Variants in UNC5D observed in about 807,000 individuals in gnomAD.
UNC5D encodes the protein netrin receptor UNC5D.
Under a neutral mutation model 105.4 loss-of-function variants are expected in UNC5D, and 39 were observed. That is an observed-to-expected ratio of 0.37 (90% CI 0.29 to 0.48). The LOEUF is 0.48. Ranked by LOEUF, UNC5D falls within the 20% of genes least tolerant of loss-of-function variation. The pLI, the probability that UNC5D is intolerant of heterozygous loss-of-function variation, is 0.98. For missense variants in UNC5D, 991 were observed against 1,202.4 expected, an observed-to-expected ratio of 0.82 and a Z score of 2.60; for synonymous variants, 452 against 450.4, an observed-to-expected ratio of 1.00 and a Z score of -0.04.
intron 4 of UNC5D, among the ~76,000 whole-genome samples, chr8:35,664,282 C>G (rs1258848945): frequency 6.6e-6 from 1 of 152,130 alleles, no homozygotes; most frequent in East Asian, 1.9e-4. Context: ...GCTTTATTCT[C>G]AAATCAGAAA....
intron 1 of UNC5D, among the ~76,000 whole-genome samples, chr8:35,248,687 TAAAATATATA>T (rs1438985115): frequency 1.0e-5 from 1 of 95,634 alleles, no homozygotes; most frequent in African/African-American, 4.9e-5. Context: ...ATAATATATA[TAAAATATATA>T]AAAATATATA....
At chr8:35,711,453 TAC>T (rs1255991789) in intron 8 of UNC5D, among the ~76,000 whole-genome samples, 1 of 152,142 alleles carries the variant, frequency 6.6e-6, no homozygotes, top group Admixed American at 6.5e-5. Context: ...GTGCTGGGAT[TAC>T]AGACATGAGC....
chr8:35,449,201 A>G (rs1280279767), intron 1 of UNC5D, among the ~76,000 whole-genome samples: 1 of 152,158 alleles, frequency 6.6e-6, no homozygotes, highest in African/African-American at 2.4e-5. Flanking sequence ...ATTAGTTTGC[A>G]ATAGGGTGAA....
chr8:35,707,653 C>A (rs114004504), intron 8 of UNC5D, among the ~76,000 whole-genome samples: 621 of 152,228 alleles, frequency 4.1e-3, no homozygotes, highest in African/African-American at 0.013. Context: ...TCATAGGTAT[C>A]CATGGGGTGG....
At chr8:35,730,365 C>T (rs557323636) in intron 10 of UNC5D, among the ~76,000 whole-genome samples, 2 of 152,296 alleles carry the variant, frequency 1.3e-5, no homozygotes, top group East Asian at 3.9e-4. Context: ...CTGACATTGA[C>T]ATGACTCTAG....
intron 14 of UNC5D, among the ~76,000 whole-genome samples, chr8:35,760,235 GGTTTGCCAT>G (rs1801464825): frequency 6.6e-6 from 1 of 151,756 alleles, no homozygotes; most frequent in African/African-American, 2.4e-5. Flanking sequence ...GTAGAGACGG[GGTTTGCCAT>G]GTTGGCCAGA....
chr8:35,501,068 G>A (rs1157577850), intron 1 of UNC5D, among the ~76,000 whole-genome samples: 2 of 152,156 alleles, frequency 1.3e-5, no homozygotes, highest in Non-Finnish European at 2.9e-5. Flanking sequence ...CACAGCACTT[G>A]TTACATAGTA....
chr8:35,702,323 T>C (rs1309441021), intron 7 of UNC5D, among the ~76,000 whole-genome samples: 2 of 152,066 alleles, frequency 1.3e-5, no homozygotes, highest in African/African-American at 4.8e-5. Context: ...ATCCCAGATA[T>C]GTTGCCCGAA....
chr8:35,267,548 C>T (rs573524678), intron 1 of UNC5D, among the ~76,000 whole-genome samples: 3 of 152,200 alleles, frequency 2.0e-5, no homozygotes, highest in Admixed American at 6.5e-5. Flanking sequence ...AAGTGATTTT[C>T]CTGACTCAGG....
rs562636560 is a variant in UNC5D, at chr8:35,767,598, C to T, written c.2478+532C>T. The stretch of plus-strand genomic sequence containing the variant: ...ATTCTGTACATCCACATTTTCATTA[C>T]TCCCTTCCAATACAATAATATAAGG... On this transcript the variant is annotated intron_variant, in intron 15 of 16. Transcript: ENST00000404895. 2.6e-5 allele frequency among the ~76,000 whole-genome samples: 4 copies of T among 152,228 alleles called. No individual in the cohort carries two copies. The East Asian group carries it at 7.7e-4, about 29-fold the overall frequency.
intron 4 of UNC5D, among the ~76,000 whole-genome samples, chr8:35,641,409 ACATTTG>A (rs1822734195): frequency 6.6e-6 from 1 of 151,454 alleles, no homozygotes. Context: ...AGCATCTACA[ACATTTG>A]AGAACTCATA....
intron 14 of UNC5D, among the ~76,000 whole-genome samples, chr8:35,766,683 G>A (rs529039173): frequency 2.6e-5 from 4 of 152,284 alleles, no homozygotes; most frequent in African/African-American, 9.6e-5. Context: ...TTATCAGTTG[G>A]AATTGACATT....
intron 1 of UNC5D, among the ~76,000 whole-genome samples, chr8:35,263,733 T>G (rs958739262): frequency 3.3e-5 from 5 of 152,358 alleles, no homozygotes; most frequent in Middle Eastern, 6.8e-3. Flanking sequence ...ATAAATGACC[T>G]GACCTTAGGA....
At chr8:35,239,009 C>A (rs1199402692) in intron 1 of UNC5D, among the ~76,000 whole-genome samples, 1 of 152,104 alleles carries the variant, frequency 6.6e-6, no homozygotes, top group Admixed American at 6.5e-5. Context: ...GAGTCTTTTT[C>A]CCCTATTTCC....
intron 3 of UNC5D, among the ~76,000 whole-genome samples, chr8:35,587,175 C>T (rs1434774076): frequency 6.6e-6 from 1 of 152,042 alleles, no homozygotes; most frequent in Non-Finnish European, 1.5e-5. Flanking sequence ...CATTGTGGGT[C>T]TTGTTGGCAT....
intron 1 of UNC5D, among the ~76,000 whole-genome samples, chr8:35,495,458 C>CAAAAAAAA (rs71547636): frequency 1.3e-3 from 56 of 44,570 alleles, no homozygotes; most frequent in East Asian, 2.5e-3. Flanking sequence ...ACAACAACAA[C>CAAAAAAAA]AAAAAAAAAA....
At chr8:35,470,302 A>G (rs1809610097) in intron 1 of UNC5D, among the ~76,000 whole-genome samples, 1 of 152,150 alleles carries the variant, frequency 6.6e-6, no homozygotes. Context: ...GCCATAACAT[A>G]AAATCTTAGG....
intron 1 of UNC5D, among the ~76,000 whole-genome samples, chr8:35,418,406 A>G (rs867442228): frequency 3.3e-5 from 5 of 152,258 alleles, no homozygotes; most frequent in Admixed American, 1.3e-4. Flanking sequence ...TTGACATGTA[A>G]AGGCATTTTG....
At chr8:35,695,655 T>G (rs903724648) in intron 7 of UNC5D, among the ~76,000 whole-genome samples, 2 of 152,042 alleles carry the variant, frequency 1.3e-5, no homozygotes, top group African/African-American at 4.8e-5. Context: ...TACAGGCTTC[T>G]CTCATTCATA....
Sources: allele counts gnomAD v4.1 joint callset (sites outside exome capture counted in the v4.1 genomes callset), GRCh38; gene constraint gnomAD v4.1.1; transcripts MANE v1.5; gene names NCBI Gene and HGNC (gene_info 2026-07-23, HGNC 2026-07-21).